The following DSC3 variants were observed in gnomAD, a reference collection of about 807,000 sequenced individuals.
DSC3 encodes desmocollin-3.
In DSC3, 97 loss-of-function variants were observed where a neutral mutation model predicts 89.5. The observed-to-expected ratio is 1.08, with a 90% CI of 0.92 to 1.28. DSC3 has a LOEUF of 1.28. Ranked by LOEUF, DSC3 falls within the 50% of genes most tolerant of loss-of-function variation. The pLI, the probability that DSC3 is intolerant of heterozygous loss-of-function variation, is 0.00. For synonymous variants in DSC3, 436 were observed against 384.1 expected (o/e 1.14, Z -1.58); for missense variants, 1,199 against 1,085.3 (o/e 1.10, Z -1.47).
intron 14 of DSC3, among the ~76,000 whole-genome samples, chr18:31,000,695 G>C (rs1984622322): frequency 6.6e-6 from 1 of 152,038 alleles, no homozygotes; most frequent in African/African-American, 2.4e-5. Flanking sequence ...AGGCTATGCT[G>C]TTTTCCTCTT....
intron 1 of DSC3, among the ~76,000 whole-genome samples, chr18:31,038,823 CTCAT>C (rs1986049384): frequency 6.6e-6 from 1 of 151,950 alleles, no homozygotes. Context: ...ATAGCAGTAG[CTCAT>C]TCATTTTCTT....
Position 31,001,626 on chromosome 18 carries a change from C to G in DSC3, c.2227G>C (p.Asp743His). The change falls in exon 14 of 16, where the codon GAT becomes CAT. Residue 743 changes from aspartate (D) to histidine (H), a missense_variant. Asp to His is a moderately conservative substitution (Grantham distance 81, BLOSUM62 -1). Transcript: ENST00000360428. ...ATTTAAAAATTACTTACCACTCTAT[C>G]GTCTCCAGGTGCTTCTGTGTTTGAT... ...IISNTEAPGDDRVCSANGFMT... is the reference protein window; with the variant it reads ...IISNTEAPGDHRVCSANGFMT... 3 of 1,609,488 alleles carry G rather than the reference C, an allele frequency of 1.9e-6. No individual in the cohort carries two copies. Among genetic ancestry groups the G allele is most frequent in the Non-Finnish European group, 2.5e-6 (3 of 1,177,146 alleles).
At chr18:31,011,660 T>C (rs1184548681) in intron 9 of DSC3, among the ~76,000 whole-genome samples, 7 of 152,158 alleles carry the variant, frequency 4.6e-5, no homozygotes, top group African/African-American at 1.7e-4. Context: ...TTATACAGTG[T>C]TTGATTTTCA....
chr18:30,994,552 GTA>G, intron 15 of DSC3, 180 bp from the exon 16 acceptor site: 1 of 1,400,306 alleles, frequency 7.1e-7, no homozygotes, highest in Non-Finnish European at 9.9e-7. Context: ...CATAAAGTCA[GTA>G]TAGTTTACAT....
At chr18:31,038,080 T>C (rs1598555436) in intron 1 of DSC3, among the ~76,000 whole-genome samples, 1 of 152,208 alleles carries the variant, frequency 6.6e-6, no homozygotes, top group East Asian at 1.9e-4. Flanking sequence ...TTTCCTTTCC[T>C]GATAAGCCTT....
At position 31,001,748 on chromosome 18, in the gene DSC3, A is replaced by T. The variant is rs769942856; in HGVS notation, c.2114-9T>A. 5.2e-5 allele frequency: 82 copies of T among 1,570,046 alleles called. No individual in the cohort carries two copies. The highest frequency in any genetic ancestry group is 6.9e-5 in the Non-Finnish European group (80 of 1,156,980). ...TAAAGTTAGCAATACAGCTGAATTT[A>T]AAAATAAAAATAAAATAACTTACTT... On this transcript the variant is annotated splice_polypyrimidine_tract_variant and intron_variant, in intron 13 of 15. Transcript: ENST00000360428.
rs925628159 is a variant in DSC3, at chr18:31,042,669, C to G, written c.-9G>C. On this transcript the variant is annotated 5_prime_UTR_variant, in exon 1 of 16. Coordinates refer to ENST00000360428, the MANE Select transcript of DSC3 (RefSeq NM_001941.5). ...GGCCCAGCGGCGGCCATCGGGATGC[C>G]GGGCAGGGCCAGGAGAACGCGGGCG... 3 of 1,548,556 alleles carry G rather than the reference C, an allele frequency of 1.9e-6. No homozygotes were observed. Among genetic ancestry groups the G allele is most frequent in the East Asian group, 2.4e-5 (1 of 40,842 alleles).
intron 14 of DSC3, among the ~76,000 whole-genome samples, chr18:30,999,514 A>G (rs1312231639): frequency 6.6e-6 from 1 of 152,114 alleles, no homozygotes; most frequent in Non-Finnish European, 1.5e-5. Context: ...AATAAACACA[A>G]GTTCAAAGAT....
Position 31,001,622 on chromosome 18 carries a change from C to T in DSC3, c.2231G>A (p.Arg744Lys). ...ATTTATTTAAAAATTACTTACCACTCTATCGTCTCCAGGTGCTTCTGTGTT... is the reference window on the plus strand; with the variant it reads ...ATTTATTTAAAAATTACTTACCACTTTATCGTCTCCAGGTGCTTCTGTGTT... ...ISNTEAPGDD[R>K]VCSANGFMTQ... is the part of the protein sequence containing the mutation. The change falls in exon 14 of 16, where the codon AGA becomes AAA. Residue 744 changes from arginine (R) to lysine (K), a missense_variant. Coordinates refer to ENST00000360428, the MANE Select transcript of DSC3 (RefSeq NM_001941.5). The T allele has an allele frequency of 6.2e-7, 1 of 1,609,672 alleles. No homozygotes were observed. The highest frequency in any genetic ancestry group is 2.2e-5 in the East Asian group (1 of 44,688).
At chr18:31,030,892 T>A (rs1985762696) in intron 3 of DSC3, 81 bp downstream of exon 3, 1 of 1,287,458 alleles carries the variant, frequency 7.8e-7, no homozygotes, top group Admixed American at 1.8e-5. Flanking sequence ...ATACCCTATT[T>A]ATCCTTGTTT....
At chr18:31,015,467 T>C (rs1021793160) in intron 9 of DSC3, among the ~76,000 whole-genome samples, 6 of 152,230 alleles carry the variant, frequency 3.9e-5, no homozygotes, top group Non-Finnish European at 8.8e-5. Context: ...CATATACTCA[T>C]TGATTAGGCC....
chr18:31,001,968 G>T (rs1272071245), intron 13 of DSC3, among the ~76,000 whole-genome samples: 1 of 151,830 alleles, frequency 6.6e-6, no homozygotes, highest in East Asian at 1.9e-4. Context: ...ATTGAATTCT[G>T]CCCATCAAAA....
chr18:31,025,983 G>A, intron 4 of DSC3, 68 bp from the exon 5 acceptor site: 2 of 1,353,836 alleles, frequency 1.5e-6, no homozygotes, highest in South Asian at 2.5e-5. Context: ...TTTAAATGCA[G>A]CTGATGTATC....
At chr18:31,006,429 A>G (rs986900965) in intron 12 of DSC3, among the ~76,000 whole-genome samples, 17 of 152,092 alleles carry the variant, frequency 1.1e-4, no homozygotes, top group Non-Finnish European at 4.4e-5. Flanking sequence ...CCTCCCCAGT[A>G]GCTTGGATTA....
intron 1 of DSC3, among the ~76,000 whole-genome samples, chr18:31,040,617 G>A (rs1170754747): frequency 6.6e-6 from 1 of 152,170 alleles, no homozygotes; most frequent in African/African-American, 2.4e-5. Context: ...CCCTCAACCT[G>A]TTGGGCTGCT....
chr18:31,030,793 C>CAGGGTAAGAAAATGGAGGGGAAGGAAA, intron 3 of DSC3, among the ~76,000 whole-genome samples, 180 bp downstream of exon 3: 1 of 149,770 alleles, frequency 6.7e-6, no homozygotes, highest in East Asian at 2.0e-4. Flanking sequence ...ATGAAAAGGA[C>CAGGGTAAGAAAATGGAGGGGAAGGAAA]AGGGTAAGAA....
At chr18:31,020,537 A>G (rs1293360779) in intron 7 of DSC3, among the ~76,000 whole-genome samples, 1 of 151,788 alleles carries the variant, frequency 6.6e-6, no homozygotes, top group Non-Finnish European at 1.5e-5. Context: ...TTCCTCTTTT[A>G]TTTTACTGTT....
rs1984913424 is a variant in DSC3, at chr18:31,008,013, T to C, written c.1663+3A>G. 1 of 1,611,438 alleles carries C rather than the reference T, an allele frequency of 6.2e-7. No homozygotes were observed. Among genetic ancestry groups the C allele is most frequent in the African/African-American group, 1.3e-5 (1 of 74,960 alleles). ...GAATACCAGATTAAAACTTTTTTTT[T>C]ACCTTTGTCTATTGCCAGGACTGTA... On this transcript the variant is annotated splice_donor_region_variant and intron_variant, in intron 11 of 15. Coordinates refer to ENST00000360428, the MANE Select transcript of DSC3 (RefSeq NM_001941.5).
chr18:31,003,107 G>A (rs1419189914), intron 13 of DSC3, among the ~76,000 whole-genome samples: 4 of 148,928 alleles, frequency 2.7e-5, no homozygotes, highest in Non-Finnish European at 5.9e-5. Context: ...TCCCCCAGGC[G>A]TTCCGCCTGG....
Sources: gnomAD v4.1 joint callset for allele counts (sites outside exome capture counted in the v4.1 genomes callset) on GRCh38, gnomAD v4.1.1 for gene constraint, MANE v1.5 for transcripts, NCBI Gene and HGNC (gene_info 2026-07-23, HGNC 2026-07-21) for gene names.